The following PPFIA1 variants were observed in gnomAD, a reference collection of about 807,000 sequenced individuals.
PPFIA1 encodes the protein liprin-alpha-1.
A neutral mutation model predicts 149.9 loss-of-function variants in PPFIA1; 25 were observed. That is an observed-to-expected ratio of 0.17 (90% confidence interval 0.12 to 0.23). The LOEUF (loss-of-function observed/expected upper bound fraction) is 0.23, where lower values mean the gene tolerates loss of function less well. PPFIA1 is among the 10% of genes least tolerant of loss of function. PPFIA1 has a pLI of 1.00. For synonymous variants in PPFIA1, 549 were observed against 552.8 expected, an observed-to-expected ratio of 0.99 and a Z score of 0.10; for missense variants, 1,362 against 1,506.5, an observed-to-expected ratio of 0.90 and a Z score of 1.59.
At chr11:70,279,936 T>C (rs891007045) in intron 2 of PPFIA1, among the ~76,000 whole-genome samples, 1 of 151,748 alleles carries the variant, frequency 6.6e-6, no homozygotes, top group Non-Finnish European at 1.5e-5. Context: ...TGGGACAGGG[T>C]CTCGCTCTGT....
intron 2 of PPFIA1, among the ~76,000 whole-genome samples, chr11:70,287,497 GT>G (rs879628709): frequency 4.0e-4 from 57 of 142,908 alleles, no homozygotes; most frequent in Non-Finnish European, 4.5e-4. Context: ...CTTCAGCTAA[GT>G]TTTTTTTTTT....
intron 26 of PPFIA1, chr11:70,378,456 T>C (rs1327481581): frequency 5.0e-6 from 6 of 1,189,020 alleles, no homozygotes; most frequent in Middle Eastern, 3.4e-4. Flanking sequence ...AGTATTCGTC[T>C]GTGTTCTCAG....
At chr11:70,327,845 T>C (rs1474641322) in intron 7 of PPFIA1, 1 of 152,218 alleles carries the variant, frequency 6.6e-6, no homozygotes, top group African/African-American at 2.4e-5. Flanking sequence ...GCCCTTCCTG[T>C]CACTTTCTAA....
intron 2 of PPFIA1, among the ~76,000 whole-genome samples, chr11:70,284,948 G>T (rs1292117329): frequency 6.6e-6 from 1 of 152,006 alleles, no homozygotes; most frequent in Non-Finnish European, 1.5e-5. Flanking sequence ...GTGCATCGTG[G>T]CCTCAGGGGA....
At chr11:70,352,871 G>T (rs2056154050) in intron 16 of PPFIA1, among the ~76,000 whole-genome samples, 1 of 152,096 alleles carries the variant, frequency 6.6e-6, no homozygotes. Flanking sequence ...CAGGCTCACG[G>T]GGCTTTCCCC....
chr11:70,283,803 A>G (rs1591046042), intron 2 of PPFIA1, among the ~76,000 whole-genome samples: 1 of 151,742 alleles, frequency 6.6e-6, no homozygotes, highest in Non-Finnish European at 1.5e-5. Context: ...TAAAGAGGAG[A>G]CGCTGGTGTT....
chr11:70,271,319 G>C (rs1202767818), intron 1 of PPFIA1: 4 of 152,404 alleles, frequency 2.6e-5, no homozygotes, highest in Non-Finnish European at 5.9e-5. Flanking sequence ...ATCCCCATCA[G>C]GTGCGCCGTC....
intron 19 of PPFIA1, among the ~76,000 whole-genome samples, chr11:70,361,782 ATT>A (rs35021154): frequency 8.0e-5 from 11 of 137,048 alleles, no homozygotes; most frequent in Non-Finnish European, 6.3e-5. Flanking sequence ...TACCTGGCTG[ATT>A]TTTTTTTTTT....
chr11:70,361,851 C>G (rs2056665641), intron 19 of PPFIA1, among the ~76,000 whole-genome samples: 1 of 150,978 alleles, frequency 6.6e-6, no homozygotes, highest in Non-Finnish European at 1.5e-5. Context: ...TCTTGAACTA[C>G]TGGCCTCAAG....
At chr11:70,337,319 T>C in intron 11 of PPFIA1, 46 bp from the exon 12 acceptor site, 1 of 1,345,294 alleles carries the variant, frequency 7.4e-7, no homozygotes, top group Non-Finnish European at 1.0e-6. Flanking sequence ...TATATTTAAA[T>C]GGGACATTTT....
At chr11:70,307,278 ATAT>A (rs1484278864) in intron 2 of PPFIA1, among the ~76,000 whole-genome samples, 3 of 152,222 alleles carry the variant, frequency 2.0e-5, no homozygotes, top group African/African-American at 7.2e-5. Context: ...ATTCATTGCC[ATAT>A]TATTTGTAAT....
Position 70,372,337 on chromosome 11 carries a change from C to G in PPFIA1, c.2988C>G (p.His996Gln). 6.2e-7 allele frequency: 1 copy of G among 1,614,214 alleles called. No individual in the cohort carries two copies. Among genetic ancestry groups the G allele is most frequent in the Non-Finnish European group, 8.5e-7 (1 of 1,180,046 alleles). ...ECLVDARMLD[H>Q]LTKKDLRGQL... ...TTGTAGACGCCAGGATGCTGGACCACTTGACCAAGAAAGACCTTCGAGGGC... is the reference window on the plus strand; with the variant it reads ...TTGTAGACGCCAGGATGCTGGACCAGTTGACCAAGAAAGACCTTCGAGGGC... Residue 996 changes from histidine (H) to glutamine (Q), a missense_variant, in exon 22 of 28, where the codon CAC (histidine) becomes CAG (glutamine). Coordinates refer to ENST00000253925, the MANE Select transcript of PPFIA1 (RefSeq NM_003626.5).
chr11:70,323,365 G>A (rs2054070760), intron 2 of PPFIA1, among the ~76,000 whole-genome samples: 1 of 152,194 alleles, frequency 6.6e-6, no homozygotes, highest in East Asian at 1.9e-4. Flanking sequence ...GGGCACAGCT[G>A]ATCAGGACCC....
chr11:70,356,735 G>T (rs1425919728), intron 19 of PPFIA1, among the ~76,000 whole-genome samples: 1 of 152,220 alleles, frequency 6.6e-6, no homozygotes, highest in Non-Finnish European at 1.5e-5. Context: ...CCAGTGCAGC[G>T]ACTGTTGCTT....
At chr11:70,368,876 C>A (rs2057088529) in intron 21 of PPFIA1, among the ~76,000 whole-genome samples, 1 of 151,686 alleles carries the variant, frequency 6.6e-6, no homozygotes, top group Non-Finnish European at 1.5e-5. Flanking sequence ...ACTGGGATTT[C>A]CAGTACAGTG....
rs183427034 is a variant in PPFIA1 at position 70,349,583 on chromosome 11, G to A, written c.2163+1163G>A. Among the ~76,000 whole-genome samples the A allele has an allele frequency of 6.6e-4, 101 of 151,956 alleles. 1 individual carries two copies. The highest frequency in any genetic ancestry group is 2.3e-3 in the African/African-American group (95 of 41,446). On this transcript the variant is annotated intron_variant, in intron 16 of 27. Transcript: ENST00000253925. ...CTGTGCTTCTATCATATTTTTTCCC[G>A]TTACCATCTATTTTCGTTTTTAGTT... is the stretch of plus-strand genomic sequence containing the variant.
chr11:70,320,696 C>T (rs2053887735), intron 2 of PPFIA1, among the ~76,000 whole-genome samples: 1 of 152,116 alleles, frequency 6.6e-6, no homozygotes, highest in African/African-American at 2.4e-5. Flanking sequence ...CTTGGCCTCC[C>T]AAAGTGCTGA....
intron 17 of PPFIA1, among the ~76,000 whole-genome samples, chr11:70,355,195 G>T (rs577236425): frequency 1.3e-5 from 2 of 152,156 alleles, no homozygotes; most frequent in Admixed American, 1.3e-4. Context: ...GAGCCACCGC[G>T]CCCGGCCCCT....
At chr11:70,305,740 G>A (rs150103982) in intron 2 of PPFIA1, among the ~76,000 whole-genome samples, 205 of 152,234 alleles carry the variant, frequency 1.3e-3, no homozygotes, top group African/African-American at 4.7e-3. Flanking sequence ...ATTCTAAAGT[G>A]GCCAGAAAAC....
Sources: allele counts gnomAD v4.1 joint callset (sites outside exome capture counted in the v4.1 genomes callset), GRCh38; gene constraint gnomAD v4.1.1; transcripts MANE v1.5; gene names NCBI Gene and HGNC (gene_info 2026-07-23, HGNC 2026-07-21).